PCDH7: variants seen among roughly 807,000 people sequenced by gnomAD.
The protein encoded by PCDH7 is protocadherin 7, also known as protocadherin-7.
PCDH7 carries 17 observed loss-of-function variants against 58.9 expected under a neutral mutation model. The observed-to-expected ratio is 0.29, with a 90% CI of 0.20 to 0.43. PCDH7 has a LOEUF of 0.43. Among genes scored for constraint, PCDH7 ranks in the 20% least tolerant of loss-of-function variants. The pLI is 1.00. For missense variants in PCDH7, 1,274 were observed against 1,441.0 expected (o/e 0.88, Z 1.88); for synonymous variants, 664 against 616.4 (o/e 1.08, Z -1.14).
intron 3 of PCDH7, among the ~76,000 whole-genome samples, chr4:31,124,945 G>C (rs1201493126): frequency 6.6e-6 from 1 of 152,092 alleles, no homozygotes; most frequent in Non-Finnish European, 1.5e-5. Context: ...TCTTAGTTTG[G>C]CCCAGCATGC....
chr4:30,901,638 T>A (rs1478923276), intron 1 of PCDH7, among the ~76,000 whole-genome samples: 1 of 152,156 alleles, frequency 6.6e-6, no homozygotes, highest in African/African-American at 2.4e-5. Context: ...GTGAACTACA[T>A]ACCTTTTCCC....
downstream of PCDH7, chr4:31,145,855 T>C (rs1430051917): frequency 6.6e-6 from 1 of 152,106 alleles, no homozygotes; most frequent in African/African-American, 2.4e-5. Flanking sequence ...TATTCTTTAT[T>C]TCTTTTTTGT....
At chr4:30,921,811 A>G (rs558778279) in intron 2 of PCDH7, among the ~76,000 whole-genome samples, 2 of 151,914 alleles carry the variant, frequency 1.3e-5, no homozygotes, top group Non-Finnish European at 2.9e-5. Flanking sequence ...TAAGGCAGAT[A>G]TGTTTAAAAT....
intron 1 of PCDH7, among the ~76,000 whole-genome samples, chr4:30,907,419 C>A (rs1264308095): frequency 1.2e-4 from 19 of 152,086 alleles, no homozygotes; most frequent in Admixed American, 1.2e-3. Flanking sequence ...GAAAAAACAA[C>A]CCCATCAAAA....
chr4:30,920,194 G>A (rs1317136441), exon 2 of PCDH7: 3 of 1,367,734 alleles, frequency 2.2e-6, no homozygotes, highest in African/African-American at 2.9e-5. Context: ...GTCAGCCTCA[G>A]GACCCACATC....
intron 2 of PCDH7, among the ~76,000 whole-genome samples, chr4:30,946,786 C>T (rs897575786): frequency 1.3e-5 from 2 of 151,108 alleles, no homozygotes; most frequent in Admixed American, 6.6e-5. Flanking sequence ...TGGCTCACTG[C>T]AACCTCCACC....
At chr4:30,925,262 C>A (rs1482752873) in intron 2 of PCDH7, among the ~76,000 whole-genome samples, 1 of 152,020 alleles carries the variant, frequency 6.6e-6, no homozygotes, top group Non-Finnish European at 1.5e-5. Context: ...TTTAAATGGC[C>A]AAGTGTAATG....
intron 3 of PCDH7, among the ~76,000 whole-genome samples, chr4:31,118,279 G>A (rs181839907): frequency 6.6e-6 from 1 of 152,258 alleles, no homozygotes; most frequent in Admixed American, 6.5e-5. Context: ...TGTCCTTATA[G>A]CACTCAGATT....
chr4:31,118,483 C>G (rs1454420378), intron 3 of PCDH7, among the ~76,000 whole-genome samples: 1 of 152,076 alleles, frequency 6.6e-6, no homozygotes, highest in East Asian at 1.9e-4. Context: ...GATCCATCAT[C>G]TTTCCAGTTT....
intron 3 of PCDH7, among the ~76,000 whole-genome samples, chr4:31,064,566 T>C (rs1757930927): frequency 6.6e-6 from 1 of 151,956 alleles, no homozygotes; most frequent in Admixed American, 6.6e-5. Context: ...AGTAGAACCT[T>C]TCTTGCCTCT....
chr4:31,115,255 T>C (rs1368404629), intron 3 of PCDH7, among the ~76,000 whole-genome samples: 2 of 152,208 alleles, frequency 1.3e-5, no homozygotes, highest in African/African-American at 4.8e-5. Context: ...ACAAGCAGTA[T>C]ATTTGGAAGA....
intron 3 of PCDH7, among the ~76,000 whole-genome samples, chr4:31,096,099 T>C (rs1713939804): frequency 6.6e-6 from 1 of 152,116 alleles, no homozygotes; most frequent in Non-Finnish European, 1.5e-5. Context: ...AAGATATAGC[T>C]CATCATGCAA....
intron 3 of PCDH7, among the ~76,000 whole-genome samples, chr4:30,974,282 T>TCCTTTC (rs1325403581): frequency 6.6e-6 from 1 of 150,488 alleles, no homozygotes; most frequent in Non-Finnish European, 1.5e-5. Context: ...TTCATAAATT[T>TCCTTTC]CTGTCTTTGA....
intron 3 of PCDH7, among the ~76,000 whole-genome samples, chr4:31,139,597 T>C (rs1365169593): frequency 6.6e-6 from 1 of 152,230 alleles, no homozygotes; most frequent in Non-Finnish European, 1.5e-5. Context: ...AAAAAATTCA[T>C]AATATATGCA....
chr4:30,922,804 G>A (rs559752200), intron 2 of PCDH7, among the ~76,000 whole-genome samples: 19 of 152,116 alleles, frequency 1.2e-4, no homozygotes, highest in African/African-American at 4.1e-4. Context: ...TGATCTATAG[G>A]TAATGACAAA....
chr4:30,830,217 A>G (rs2063868127), intron 1 of PCDH7, among the ~76,000 whole-genome samples: 1 of 152,062 alleles, frequency 6.6e-6, no homozygotes. Context: ...ATTGCTTAAA[A>G]CTGCATTTTC....
intron 1 of PCDH7, among the ~76,000 whole-genome samples, chr4:30,812,579 A>G (rs1175391382): frequency 2.0e-5 from 3 of 152,094 alleles, no homozygotes; most frequent in African/African-American, 4.8e-5. Context: ...CTGTTAAGCT[A>G]TTTTCAAAAT....
At chr4:31,038,659 TTC>T (rs1755607781) in intron 3 of PCDH7, among the ~76,000 whole-genome samples, 1 of 152,196 alleles carries the variant, frequency 6.6e-6, no homozygotes, top group African/African-American at 2.4e-5. Context: ...TCATCAGAAA[TTC>T]TGTTTGTGGG....
exon 1 of PCDH7, chr4:30,724,335 G>T: frequency 1.9e-6 from 3 of 1,614,128 alleles, no homozygotes; most frequent in Non-Finnish European, 2.5e-6. Flanking sequence ...ATGAGAAGCT[G>T]TCAGACAGCC....
Sources: gnomAD v4.1 joint callset for allele counts (sites outside exome capture counted in the v4.1 genomes callset) on GRCh38, gnomAD v4.1.1 for gene constraint, MANE v1.5 for transcripts, NCBI Gene and HGNC (gene_info 2026-07-23, HGNC 2026-07-21) for gene names.